The following NXPE2 variants were observed in gnomAD, a reference collection of about 807,000 sequenced individuals.
NXPE2 encodes neurexophilin and PC-esterase domain family member 2.
NXPE2 carries 34 observed loss-of-function variants against 34.4 expected under a neutral mutation model. That is an observed-to-expected ratio of 0.99 (90% CI 0.75 to 1.31). The LOEUF is 1.31. Ranked by LOEUF, NXPE2 falls within the 40% of genes most tolerant of loss-of-function variation. The pLI, the probability that NXPE2 is intolerant of heterozygous loss-of-function variation, is 0.00. For missense variants in NXPE2, 649 were observed against 672.5 expected (o/e 0.97, Z 0.39); for synonymous variants, 235 against 231.3 (o/e 1.02, Z -0.15).
At chr11:114,566,812 G>T in the NXPE2 span, among the ~76,000 whole-genome samples, 687 of 151,798 alleles carry the variant, frequency 4.5e-3, 8 homozygotes, top group Non-Finnish European at 7.4e-3. Flanking sequence ...TCTTTTTTAA[G>T]ATGCAAACTA....
chr11:114,659,784 TA>T, the NXPE2 span, among the ~76,000 whole-genome samples: 7 of 151,770 alleles, frequency 4.6e-5, no homozygotes, highest in Non-Finnish European at 1.0e-4. Context: ...AAAAACAAAT[TA>T]AACCCAAAGT....
At chr11:114,739,845 T>C in the NXPE2 span, among the ~76,000 whole-genome samples, 3 of 152,208 alleles carry the variant, frequency 2.0e-5, no homozygotes, top group African/African-American at 4.8e-5. Context: ...TATTTGTCTC[T>C]TTGTGGCTGG....
the NXPE2 span, among the ~76,000 whole-genome samples, chr11:114,622,665 G>C: frequency 6.6e-6 from 1 of 151,436 alleles, no homozygotes; most frequent in African/African-American, 2.4e-5. Flanking sequence ...AGTGTTACCC[G>C]GTGGATAATA....
chr11:114,535,611 A>G, the NXPE2 span, among the ~76,000 whole-genome samples: 1 of 152,210 alleles, frequency 6.6e-6, no homozygotes, highest in Non-Finnish European at 1.5e-5. Context: ...ATGGAAAACA[A>G]AAAAATGCAG....
chr11:114,622,937 G>T, the NXPE2 span, among the ~76,000 whole-genome samples: 509 of 152,222 alleles, frequency 3.3e-3, 3 homozygotes, highest in African/African-American at 0.011. Context: ...ATTGCCTCGT[G>T]GGTTACCACT....
At chr11:114,527,469 C>T in the NXPE2 span, among the ~76,000 whole-genome samples, 2 of 152,118 alleles carry the variant, frequency 1.3e-5, no homozygotes, top group African/African-American at 4.8e-5. Flanking sequence ...GTAATTGCAT[C>T]AACTAAATGT....
At chr11:114,567,236 G>T in the NXPE2 span, among the ~76,000 whole-genome samples, 1 of 151,996 alleles carries the variant, frequency 6.6e-6, no homozygotes, top group Non-Finnish European at 1.5e-5. Context: ...CCCTGTATGT[G>T]AAGGCCTACT....
the NXPE2 span, among the ~76,000 whole-genome samples, chr11:114,792,679 T>C: frequency 2.8e-4 from 43 of 152,224 alleles, no homozygotes; most frequent in Admixed American, 2.7e-3. Flanking sequence ...TTATAGACAG[T>C]TGGATTTGGG....
the NXPE2 span, among the ~76,000 whole-genome samples, chr11:114,545,892 T>C: frequency 2.6e-5 from 4 of 152,058 alleles, no homozygotes; most frequent in African/African-American, 9.7e-5. Context: ...AATGTCACCA[T>C]GTTGGCCAGG....
chr11:114,768,131 C>T, the NXPE2 span, among the ~76,000 whole-genome samples: 1 of 152,162 alleles, frequency 6.6e-6, no homozygotes, highest in Non-Finnish European at 1.5e-5. Context: ...CTGCATATGG[C>T]TAGCCAGTTT....
the NXPE2 span, among the ~76,000 whole-genome samples, chr11:114,725,972 A>AT: frequency 0.012 from 167 of 14,248 alleles, 6 homozygotes; most frequent in African/African-American, 0.02. Flanking sequence ...TATAATAAAA[A>AT]AAAAATATAT....
chr11:114,565,792 A>G, the NXPE2 span, among the ~76,000 whole-genome samples: 38 of 152,314 alleles, frequency 2.5e-4, 1 homozygote, highest in African/African-American at 6.7e-4. Flanking sequence ...TCTGGCTACT[A>G]GGCAAAGAAT....
At chr11:114,541,704 A>T in the NXPE2 span, among the ~76,000 whole-genome samples, 4 of 152,176 alleles carry the variant, frequency 2.6e-5, no homozygotes, top group African/African-American at 4.8e-5. Context: ...GGTAAATTTA[A>T]TCATTTCTGG....
chr11:114,632,939 A>G, the NXPE2 span, among the ~76,000 whole-genome samples: 1 of 98,088 alleles, frequency 1.0e-5, no homozygotes, highest in African/African-American at 4.2e-5. Context: ...ATAATAATAT[A>G]TATTATATGA....
the NXPE2 span, among the ~76,000 whole-genome samples, chr11:114,524,731 T>G: frequency 6.6e-6 from 1 of 152,234 alleles, no homozygotes; most frequent in Admixed American, 6.5e-5. Flanking sequence ...TTGTAAACCC[T>G]ATGTTGTGTA....
At chr11:114,498,689 G>T in the NXPE2 span, among the ~76,000 whole-genome samples, 35 of 151,838 alleles carry the variant, frequency 2.3e-4, no homozygotes, top group Non-Finnish European at 4.9e-4. Context: ...TTTTAATATT[G>T]CTTTCATTTT....
chr11:114,813,285 C>T, the NXPE2 span, among the ~76,000 whole-genome samples: 15 of 152,222 alleles, frequency 9.9e-5, no homozygotes, highest in Non-Finnish European at 1.5e-5. Context: ...TGTCTGGGCT[C>T]ATCTTCAGGT....
chr11:114,550,427 T>C, the NXPE2 span, among the ~76,000 whole-genome samples: 9 of 152,242 alleles, frequency 5.9e-5, no homozygotes, highest in East Asian at 9.6e-4. Context: ...TCATTATATA[T>C]ACAAATTTAG....
At chr11:114,809,322 T>C in the NXPE2 span, among the ~76,000 whole-genome samples, 2 of 151,704 alleles carry the variant, frequency 1.3e-5, no homozygotes, top group East Asian at 1.9e-4. Context: ...CTATTCAACA[T>C]AGTGTTGGAA....
Sources: gnomAD v4.1 joint callset for allele counts (sites outside exome capture counted in the v4.1 genomes callset) on GRCh38, gnomAD v4.1.1 for gene constraint, MANE v1.5 for transcripts, NCBI Gene and HGNC (gene_info 2026-07-23, HGNC 2026-07-21) for gene names.